ACSS2: variants seen among roughly 807,000 people sequenced by gnomAD.
ACSS2 encodes acyl-CoA synthetase short chain family member 2, also known as acetyl-coenzyme A synthetase, cytoplasmic.
Under a neutral mutation model 90.6 loss-of-function variants are expected in ACSS2, and 58 were observed. The observed-to-expected ratio is 0.64, with a 90% CI of 0.52 to 0.80. The LOEUF (loss-of-function observed/expected upper bound fraction) is 0.80. Among genes scored for constraint, ACSS2 ranks in the 30% least tolerant of loss-of-function variants. The probability of loss-of-function intolerance (pLI) is 0.00; values close to 1 mark genes in which losing one functional copy is unlikely to be tolerated. For missense variants in ACSS2, 759 were observed against 912.0 expected (o/e 0.83, Z 2.16); for synonymous variants, 300 against 330.9 (o/e 0.91, Z 1.01).
intron 2 of ACSS2, among the ~76,000 whole-genome samples, chr20:34,884,673 CTT>C (rs1405867524): frequency 5.9e-5 from 9 of 152,228 alleles, no homozygotes; most frequent in African/African-American, 1.9e-4. Flanking sequence ...TTGAGACTCT[CTT>C]TAGCTTCTGC....
At chr20:34,883,030 CT>C in intron 2 of ACSS2, 41 bp downstream of exon 2, 1 of 1,490,768 alleles carries the variant, frequency 6.7e-7, no homozygotes, top group Non-Finnish European at 9.2e-7. Context: ...GATAAAAACA[CT>C]CATTTGATAC....
rs771388973 is a variant in ACSS2 at position 34,876,731 on chromosome 20, G to T, written c.86G>T (p.Trp29Leu). 6.9e-7 allele frequency: 1 copy of T among 1,441,190 alleles called. No homozygotes were observed. The highest frequency in any genetic ancestry group is 9.2e-7 in the Non-Finnish European group (1 of 1,088,392). The allele number at this position is 1,441,190 out of a possible 1,614,324, so 89.3% of individuals were successfully genotyped here. The change falls in exon 1 of 18, where the codon TGG becomes TTG. Residue 29 changes from tryptophan (W) to leucine (L), a missense_variant. Trp to Leu is a moderately conservative substitution (Grantham distance 61). Coordinates refer to ENST00000360596, the MANE Select transcript of ACSS2 (RefSeq NM_018677.4). Reference sequence around the variant, plus strand: ...GGAGCCGGAGGCCGGGCGCGGAGTTGGTCTCCGCCGCCCGAGGTCAGCCGC... The same window carrying T: ...GGAGCCGGAGGCCGGGCGCGGAGTTTGTCTCCGCCGCCCGAGGTCAGCCGC... ...EAGAGGRARSWSPPPEVSRSA... is the reference protein window; with the variant it reads ...EAGAGGRARSLSPPPEVSRSA...
At chr20:34,920,481 T>G in intron 8 of ACSS2, 58 bp from the exon 9 acceptor site, 1 of 1,547,900 alleles carries the variant, frequency 6.5e-7, no homozygotes, top group Non-Finnish European at 8.8e-7. Flanking sequence ...CCAGCCTCCA[T>G]TTGGTGGTCA....
chr20:34,876,589 C>T, upstream of ACSS2: 3 of 1,284,450 alleles, frequency 2.3e-6, no homozygotes, highest in Non-Finnish European at 3.0e-6. Context: ...CCTGTTTTCT[C>T]AGTCCCGGCA....
Position 34,914,139 on chromosome 20 carries a change from G to A in ACSS2, c.687G>A (p.Leu229=), listed in dbSNP as rs202135058. 3.7e-6 allele frequency: 6 copies of A among 1,614,056 alleles called. No homozygotes were observed. In the East Asian group the frequency reaches 1.3e-4, roughly 36 times the overall value. ...AAAAGCTTGTGAACCTGAAGGAGCT[G>A]GCTGACGAGGCCCTGCAGAAGTGTC... ...RGEKLVNLKE[L]ADEALQKCQE... Residue 229 remains leucine, a synonymous_variant, in exon 6 of 18, where the codon CTG becomes CTA. Transcript: ENST00000360596.
intron 2 of ACSS2, among the ~76,000 whole-genome samples, chr20:34,889,985 T>C (rs761061922): frequency 3.3e-5 from 5 of 152,168 alleles, no homozygotes; most frequent in Non-Finnish European, 5.9e-5. Context: ...GCCAGAGAAC[T>C]GAGAGTTTGT....
chr20:34,904,905 CTTTT>C (rs10542624), intron 2 of ACSS2, among the ~76,000 whole-genome samples: 3 of 94,582 alleles, frequency 3.2e-5, no homozygotes, highest in Non-Finnish European at 6.0e-5. Flanking sequence ...GTGTTTAAAC[CTTTT>C]TTTTTTTTTT....
chr20:34,906,361 A>T (rs2080806030), intron 2 of ACSS2, among the ~76,000 whole-genome samples: 1 of 149,834 alleles, frequency 6.7e-6, no homozygotes, highest in South Asian at 2.1e-4. Flanking sequence ...AAGAGTTCTG[A>T]TATCCTAGAG....
At chr20:34,877,348 A>T (rs1201839987) in intron 1 of ACSS2, among the ~76,000 whole-genome samples, 1 of 152,170 alleles carries the variant, frequency 6.6e-6, no homozygotes, top group African/African-American at 2.4e-5. Flanking sequence ...CAGATTAGTA[A>T]TGGAGTCCCC....
intron 2 of ACSS2, among the ~76,000 whole-genome samples, chr20:34,890,791 A>G (rs559410359): frequency 2.0e-4 from 30 of 152,200 alleles, no homozygotes; most frequent in African/African-American, 7.2e-4. Flanking sequence ...TTCTTCAGGA[A>G]CTGGAGCTTT....
In ACSS2 at chr20:34,907,332, G is replaced by A. The variant is rs1256753493; in HGVS notation, c.375-5764G>A. Among the ~76,000 whole-genome samples the A allele has an allele frequency of 5.9e-5, 9 of 152,004 alleles. No homozygotes were observed. The East Asian group carries it at 1.2e-3, about 20-fold the overall frequency. On this transcript the variant is annotated intron_variant, in intron 2 of 17. Coordinates refer to ENST00000360596, the MANE Select transcript of ACSS2 (RefSeq NM_018677.4). ...GGGGCTTCGCCATGTTGGCCAGGCC[G>A]GTCTCAAACTCCTGGCCTCAAGTGA...
intron 2 of ACSS2, among the ~76,000 whole-genome samples, chr20:34,885,674 A>G (rs780301435): frequency 3.3e-5 from 5 of 152,222 alleles, no homozygotes; most frequent in African/African-American, 4.8e-5. Flanking sequence ...AATTTTGTTT[A>G]ACATAGGATT....
intron 7 of ACSS2, among the ~76,000 whole-genome samples, chr20:34,917,392 C>G (rs2081096828): frequency 6.6e-6 from 1 of 152,158 alleles, no homozygotes; most frequent in South Asian, 2.1e-4. Flanking sequence ...TCTCTTCTTC[C>G]TTTTTCTAGG....
chr20:34,899,597 C>A (rs935021492), intron 2 of ACSS2, among the ~76,000 whole-genome samples: 1 of 151,806 alleles, frequency 6.6e-6, no homozygotes, highest in South Asian at 2.1e-4. Context: ...TCAAGCGATT[C>A]TCCCACCTCA....
intron 2 of ACSS2, among the ~76,000 whole-genome samples, chr20:34,888,540 G>A (rs2080254192): frequency 6.6e-6 from 1 of 152,150 alleles, no homozygotes; most frequent in South Asian, 2.1e-4. Context: ...TAAGTGCCAG[G>A]CACTATTCTA....
At chr20:34,908,628 A>T (rs925621675) in intron 2 of ACSS2, 1 of 187,010 alleles carries the variant, frequency 5.3e-6, no homozygotes, top group Non-Finnish European at 1.1e-5. Flanking sequence ...TTGGGAGGCC[A>T]GGGCAGGTGG....
Position 34,921,024 on chromosome 20 carries a change from T to C in ACSS2, c.1162T>C (p.Tyr388His), listed in dbSNP as rs1345914883. The stretch of plus-strand genomic sequence containing the variant: ...GGGTCAGTTTGAGGGGATTCCCACA[T>C]ATCCGGACGTGAACCGCCTGTGGAG... ...TSVLFEGIPT[Y>H]PDVNRLWSIV... Residue 388 changes from tyrosine (Y) to histidine (H), a missense_variant, in exon 10 of 18, where the codon TAT (tyrosine) becomes CAT (histidine). Coordinates refer to ENST00000360596, the MANE Select transcript of ACSS2 (RefSeq NM_018677.4). 6.2e-7 allele frequency: 1 copy of C among 1,614,118 alleles called. No individual in the cohort carries two copies. Among genetic ancestry groups the C allele is most frequent in the Admixed American group, 1.7e-5 (1 of 60,010 alleles).
At chr20:34,876,408 C>T (rs2079906922), upstream of ACSS2, 1 of 395,728 alleles carries the variant, frequency 2.5e-6, no homozygotes, top group Non-Finnish European at 4.4e-6. Context: ...GGCAAGTCAG[C>T]TCCACCCCTA....
intron 1 of ACSS2, among the ~76,000 whole-genome samples, chr20:34,878,054 C>T (rs1038347624): frequency 5.9e-5 from 9 of 152,166 alleles, no homozygotes; most frequent in Admixed American, 1.3e-4. Flanking sequence ...CCGCTTCAGC[C>T]TCCTGGGTAG....
Sources: gnomAD v4.1 joint callset for allele counts (sites outside exome capture counted in the v4.1 genomes callset) on GRCh38, gnomAD v4.1.1 for gene constraint, MANE v1.5 for transcripts, NCBI Gene and HGNC (gene_info 2026-07-23, HGNC 2026-07-21) for gene names.